WDR7: variants seen among roughly 807,000 people sequenced by gnomAD.
WDR7 encodes the protein WD repeat-containing protein 7.
Under a neutral mutation model 169.4 loss-of-function variants are expected in WDR7, and 46 were observed. The ratio of observed to expected loss-of-function variants is 0.27; its 90% CI spans 0.21 to 0.35. The LOEUF (loss-of-function observed/expected upper bound fraction) is 0.35, where lower values mean the gene tolerates loss of function less well. Ranked by LOEUF, WDR7 falls within the 10% of genes least tolerant of loss-of-function variation. The probability of loss-of-function intolerance (pLI) is 1.00; values close to 1 mark genes in which losing one functional copy is unlikely to be tolerated. For missense variants in WDR7, 1,534 were observed against 1,859.3 expected (o/e 0.83, Z 3.22); for synonymous variants, 612 against 666.8 (o/e 0.92, Z 1.27).
rs139088825 is a variant in WDR7, at chr18:56,653,661, C to T, written c.-20+2085C>T. On this transcript the variant is annotated intron_variant, in intron 1 of 27. Transcript: ENST00000254442. ...CATTTTTAATTTATAGAGATGATATCGTGCAGTTTTTTTGTCTCACTATTA... is the reference window on the plus strand; with the variant it reads ...CATTTTTAATTTATAGAGATGATATTGTGCAGTTTTTTTGTCTCACTATTA... 1.3e-3 allele frequency among the ~76,000 whole-genome samples: 203 copies of T among 152,222 alleles called. No homozygotes were observed. In the Middle Eastern group the frequency reaches 0.014, roughly 10 times the overall value.
At chr18:56,883,905 G>A (rs1157015171) in intron 21 of WDR7, among the ~76,000 whole-genome samples, 3 of 152,054 alleles carry the variant, frequency 2.0e-5, no homozygotes, top group African/African-American at 7.2e-5. Context: ...TCTTTATCCA[G>A]TCATTGATTG....
At chr18:56,979,164 A>T (rs144917485) in intron 26 of WDR7, among the ~76,000 whole-genome samples, 2,262 of 152,270 alleles carry the variant, frequency 0.015, 68 homozygotes, top group African/African-American at 0.051. Flanking sequence ...ATTAATATGT[A>T]TAAGTATAGA....
At chr18:56,676,251 A>T (rs575894493) in intron 2 of WDR7, among the ~76,000 whole-genome samples, 1 of 151,554 alleles carries the variant, frequency 6.6e-6, no homozygotes, top group African/African-American at 2.4e-5. Flanking sequence ...TTTTCAGTCT[A>T]TGTGTGTTTT....
At chr18:56,801,073 A>G (rs906119054) in intron 19 of WDR7, among the ~76,000 whole-genome samples, 4 of 152,168 alleles carry the variant, frequency 2.6e-5, no homozygotes, top group South Asian at 4.1e-4. Context: ...GTTCATACTG[A>G]TATTTCTCAT....
At chr18:56,991,386 C>A (rs1336398791) in intron 26 of WDR7, among the ~76,000 whole-genome samples, 1 of 152,050 alleles carries the variant, frequency 6.6e-6, no homozygotes, top group Non-Finnish European at 1.5e-5. Context: ...ACCTCGTGAT[C>A]CGCCTGCCTT....
intron 16 of WDR7, among the ~76,000 whole-genome samples, chr18:56,765,191 A>G (rs2044042356): frequency 6.6e-6 from 1 of 152,012 alleles, no homozygotes; most frequent in South Asian, 2.1e-4. Context: ...TTTTAATCCA[A>G]TCTGACCTGC....
At chr18:56,792,153 G>A (rs1352196739) in intron 19 of WDR7, among the ~76,000 whole-genome samples, 1 of 152,080 alleles carries the variant, frequency 6.6e-6, no homozygotes, top group African/African-American at 2.4e-5. Flanking sequence ...ACGTAGCTGG[G>A]ACCACAGGTG....
intron 14 of WDR7, among the ~76,000 whole-genome samples, chr18:56,755,258 C>T (rs1037758740): frequency 3.3e-5 from 5 of 152,036 alleles, no homozygotes; most frequent in African/African-American, 1.2e-4. Context: ...TTTAGAAAGT[C>T]CATTCTCATC....
chr18:56,933,236 A>G (rs2046915153), intron 22 of WDR7, among the ~76,000 whole-genome samples: 1 of 152,182 alleles, frequency 6.6e-6, no homozygotes, highest in African/African-American at 2.4e-5. Flanking sequence ...TGTATTTCTC[A>G]TGACACAGCC....
chr18:56,723,783 C>T (rs1456972320), intron 13 of WDR7, among the ~76,000 whole-genome samples: 1 of 152,040 alleles, frequency 6.6e-6, no homozygotes, highest in African/African-American at 2.4e-5. Context: ...TTTCTCCCCT[C>T]CATTTTCTTT....
intron 26 of WDR7, among the ~76,000 whole-genome samples, chr18:57,016,319 T>A (rs1021812732): frequency 1.3e-5 from 2 of 152,230 alleles, no homozygotes; most frequent in African/African-American, 4.8e-5. Flanking sequence ...GTCAGTACTT[T>A]ATGAATCTTT....
intron 19 of WDR7, among the ~76,000 whole-genome samples, chr18:56,784,993 A>G (rs1389773309): frequency 6.6e-6 from 1 of 152,072 alleles, no homozygotes. Context: ...GATATAATAC[A>G]TTAATCTTTT....
At chr18:56,701,670 C>T (rs1275590481) in intron 12 of WDR7, among the ~76,000 whole-genome samples, 1 of 152,024 alleles carries the variant, frequency 6.6e-6, no homozygotes, top group African/African-American at 2.4e-5. Flanking sequence ...TTAAAAACAG[C>T]TAAAATTTAA....
intron 20 of WDR7, among the ~76,000 whole-genome samples, chr18:56,824,429 G>C (rs553283737): frequency 6.6e-6 from 1 of 152,150 alleles, no homozygotes; most frequent in Non-Finnish European, 1.5e-5. Flanking sequence ...TGTATGCCTA[G>C]CACTAGAATA....
intron 21 of WDR7, among the ~76,000 whole-genome samples, chr18:56,900,011 A>G (rs1204100363): frequency 6.6e-6 from 1 of 150,992 alleles, no homozygotes; most frequent in African/African-American, 2.4e-5. Flanking sequence ...AAATAAGAGT[A>G]CATCATGATT....
chr18:56,935,706 CATT>C (rs1301569154), intron 22 of WDR7, 79 bp from the exon 23 acceptor site: 1 of 1,329,024 alleles, frequency 7.5e-7, no homozygotes, highest in African/African-American at 1.4e-5. Flanking sequence ...CTTGAACTGA[CATT>C]ATAAGCTGTG....
chr18:56,889,759 A>T (rs1008459785), intron 21 of WDR7, among the ~76,000 whole-genome samples: 3 of 152,200 alleles, frequency 2.0e-5, no homozygotes, highest in African/African-American at 7.2e-5. Flanking sequence ...AGAGGAGGGG[A>T]TGCCAGCAAG....
intron 7 of WDR7, 119 bp from the exon 8 acceptor site, chr18:56,691,097 T>C: frequency 7.2e-7 from 1 of 1,383,394 alleles, no homozygotes; most frequent in Non-Finnish European, 9.8e-7. Context: ...CTTTATCTGA[T>C]GCAGCAAACT....
At chr18:56,947,689 C>CTGG (rs2047125314) in intron 25 of WDR7, among the ~76,000 whole-genome samples, 1 of 152,188 alleles carries the variant, frequency 6.6e-6, no homozygotes, top group South Asian at 2.1e-4. Flanking sequence ...TCAATGCTGA[C>CTGG]TGGTGTTACA....
Sources: allele counts gnomAD v4.1 joint callset (sites outside exome capture counted in the v4.1 genomes callset), GRCh38; gene constraint gnomAD v4.1.1; transcripts MANE v1.5; gene names NCBI Gene and HGNC (gene_info 2026-07-23, HGNC 2026-07-21).